ZNF407: variants seen among roughly 807,000 people sequenced by gnomAD.
The protein encoded by ZNF407 is zinc finger protein 407.
In ZNF407, 17 loss-of-function variants were observed where a neutral mutation model predicts 131.2. The observed-to-expected ratio is 0.13, with a 90% confidence interval of 0.09 to 0.19. The LOEUF (loss-of-function observed/expected upper bound fraction) is 0.19. Among genes scored for constraint, ZNF407 ranks in the 10% least tolerant of loss-of-function variants. The pLI is 1.00. For missense variants in ZNF407, 2,681 were observed against 2,830.6 expected (o/e 0.95, Z 1.20); for synonymous variants, 1,156 against 1,062.0 (o/e 1.09, Z -1.72).
At chr18:74,882,556 C>T (rs1034409568) in intron 6 of ZNF407, among the ~76,000 whole-genome samples, 2 of 152,148 alleles carry the variant, frequency 1.3e-5, no homozygotes, top group East Asian at 1.9e-4. Flanking sequence ...CAAGCTAATG[C>T]CAGCCATTCC....
intron 3 of ZNF407, among the ~76,000 whole-genome samples, chr18:74,694,097 A>G (rs1967294869): frequency 6.6e-6 from 1 of 152,100 alleles, no homozygotes; most frequent in Non-Finnish European, 1.5e-5. Flanking sequence ...CTGGAGGTGG[A>G]TATTGTGAAT....
At chr18:74,718,254 TC>T (rs1967944650) in intron 3 of ZNF407, among the ~76,000 whole-genome samples, 1 of 151,808 alleles carries the variant, frequency 6.6e-6, no homozygotes, top group South Asian at 2.1e-4. Context: ...AGATTACTTT[TC>T]GTCACTGTTA....
intron 8 of ZNF407, among the ~76,000 whole-genome samples, chr18:74,931,098 A>G (rs984499127): frequency 2.0e-5 from 3 of 152,226 alleles, no homozygotes; most frequent in Admixed American, 6.5e-5. Context: ...ATAAAACTGT[A>G]AAAACCCTTC....
At chr18:74,870,960 A>G (rs540904810) in intron 4 of ZNF407, among the ~76,000 whole-genome samples, 2 of 152,346 alleles carry the variant, frequency 1.3e-5, no homozygotes, top group East Asian at 1.9e-4. Context: ...CTTAAAGTCT[A>G]CAAGCAGTAT....
At chr18:74,704,950 T>A (rs1484695831) in intron 3 of ZNF407, among the ~76,000 whole-genome samples, 1 of 152,206 alleles carries the variant, frequency 6.6e-6, no homozygotes, top group Admixed American at 6.5e-5. Flanking sequence ...AGATTCGGTT[T>A]CTCTTTATCC....
chr18:75,025,931 T>C (rs1436451319), intron 8 of ZNF407, among the ~76,000 whole-genome samples: 1 of 152,218 alleles, frequency 6.6e-6, no homozygotes, highest in Non-Finnish European at 1.5e-5. Flanking sequence ...TTATCCTATA[T>C]GGTTGGTGAG....
chr18:74,823,490 A>T (rs1243258951), intron 4 of ZNF407, among the ~76,000 whole-genome samples: 1 of 152,188 alleles, frequency 6.6e-6, no homozygotes, highest in East Asian at 1.9e-4. Flanking sequence ...AAACACACAG[A>T]AGTTCAAAAT....
chr18:74,872,162 CA>C (rs1971096438), intron 4 of ZNF407, among the ~76,000 whole-genome samples: 1 of 146,892 alleles, frequency 6.8e-6, no homozygotes, highest in Admixed American at 6.8e-5. Flanking sequence ...CCCCCCTCCT[CA>C]GCATCCGCCC....
chr18:74,770,748 G>A (rs1232654196), intron 3 of ZNF407, among the ~76,000 whole-genome samples: 2 of 152,032 alleles, frequency 1.3e-5, no homozygotes, highest in Admixed American at 6.6e-5. Context: ...TGTGTGTGTG[G>A]GGTGTGTATA....
intron 3 of ZNF407, among the ~76,000 whole-genome samples, chr18:74,706,079 C>T (rs917589176): frequency 2.6e-5 from 4 of 152,142 alleles, no homozygotes; most frequent in African/African-American, 9.7e-5. Context: ...CATATCAGTG[C>T]ACTGTGGTTA....
chr18:74,781,128 C>G (rs1394044463), intron 3 of ZNF407, among the ~76,000 whole-genome samples: 1 of 152,098 alleles, frequency 6.6e-6, no homozygotes, highest in Non-Finnish European at 1.5e-5. Context: ...TGAGGTATTG[C>G]TTCATCTTTC....
intron 8 of ZNF407, among the ~76,000 whole-genome samples, chr18:75,058,859 C>T (rs1973592193): frequency 6.6e-6 from 1 of 152,206 alleles, no homozygotes; most frequent in African/African-American, 2.4e-5. Context: ...TTCTACATAG[C>T]TCAACATTAA....
intron 4 of ZNF407, among the ~76,000 whole-genome samples, chr18:74,815,274 T>C (rs1037533976): frequency 6.6e-6 from 1 of 152,180 alleles, no homozygotes; most frequent in Non-Finnish European, 1.5e-5. Flanking sequence ...TGGACTATGA[T>C]CTTACTTTGA....
chr18:74,623,249 C>T (rs530557149), intron 1 of ZNF407, among the ~76,000 whole-genome samples: 16 of 149,976 alleles, frequency 1.1e-4, no homozygotes, highest in Admixed American at 6.0e-4. Context: ...AGTGTGTGTG[C>T]ATGTGAGTGT....
chr18:74,709,220 C>G (rs1334253577), intron 3 of ZNF407, among the ~76,000 whole-genome samples: 1 of 152,126 alleles, frequency 6.6e-6, no homozygotes, highest in Non-Finnish European at 1.5e-5. Context: ...ACGTATCAGT[C>G]TTTTAGGTTG....
At chr18:74,676,687 G>T (rs551511325) in intron 3 of ZNF407, among the ~76,000 whole-genome samples, 1 of 151,690 alleles carries the variant, frequency 6.6e-6, no homozygotes, top group Non-Finnish European at 1.5e-5. Flanking sequence ...GCCCGCCTTG[G>T]CCTCCCAGAA....
At chr18:74,915,114 T>C (rs1204430104) in intron 7 of ZNF407, among the ~76,000 whole-genome samples, 1 of 152,208 alleles carries the variant, frequency 6.6e-6, no homozygotes, top group Non-Finnish European at 1.5e-5. Flanking sequence ...GTGACAGATA[T>C]AAGCTTCTTG....
At chr18:74,755,728 C>CCTTTCTTTCTTTCTTTCTTTCTTTCTTT (rs765042437) in intron 3 of ZNF407, among the ~76,000 whole-genome samples, 708 of 63,460 alleles carry the variant, frequency 0.011, 58 homozygotes, top group East Asian at 0.014. Flanking sequence ...TTCTTTCTTT[C>CCTTTCTTTCTTTCTTTCTTTCTTTCTTT]CTTTCTTTCT....
rs572892110 is a variant in ZNF407 at position 74,785,550 on chromosome 18, G to A, written c.4877+4048G>A. Among the ~76,000 whole-genome samples, 18 of 152,268 alleles carry A rather than the reference G, an allele frequency of 1.2e-4. No homozygotes were observed. In the East Asian group the frequency reaches 2.7e-3, roughly 23 times the overall value. On this transcript the variant is annotated intron_variant, in intron 4 of 8. Transcript: ENST00000299687. Reference sequence around the variant, plus strand: ...TTTGAAGCCAGTATAATAGGACATGGCATTGTATGGGTCTTTTGGAGACTC... The same window carrying A: ...TTTGAAGCCAGTATAATAGGACATGACATTGTATGGGTCTTTTGGAGACTC...
Sources: allele counts gnomAD v4.1 joint callset (sites outside exome capture counted in the v4.1 genomes callset), GRCh38; gene constraint gnomAD v4.1.1; transcripts MANE v1.5; gene names NCBI Gene and HGNC (gene_info 2026-07-23, HGNC 2026-07-21).